The following BAZ1A variants were observed in gnomAD, a reference collection of about 807,000 sequenced individuals.
The protein encoded by BAZ1A is bromodomain adjacent to zinc finger domain protein 1A.
Under a neutral mutation model 185.2 loss-of-function variants are expected in BAZ1A, and 50 were observed. That is an observed-to-expected ratio of 0.27 (90% CI 0.22 to 0.34). BAZ1A has a LOEUF of 0.34. BAZ1A is among the 10% of genes least tolerant of loss of function. The pLI is 1.00. For synonymous variants in BAZ1A, 571 were observed against 615.6 expected (o/e 0.93, Z 1.07); for missense variants, 1,356 against 1,839.9 (o/e 0.74, Z 4.81).
intron 4 of BAZ1A, among the ~76,000 whole-genome samples, chr14:34,824,086 G>A (rs998633974): frequency 2.0e-5 from 3 of 151,204 alleles, no homozygotes; most frequent in Admixed American, 6.6e-5. Flanking sequence ...ATAGTAGCAA[G>A]TTGGCCGGGC....
intron 17 of BAZ1A, among the ~76,000 whole-genome samples, chr14:34,778,121 A>G (rs1879775317): frequency 6.6e-6 from 1 of 152,238 alleles, no homozygotes; most frequent in Non-Finnish European, 1.5e-5. Context: ...AAGAAGGACA[A>G]CATTTCCCAT....
intron 20 of BAZ1A, 22 bp from the exon 21 acceptor site, chr14:34,771,681 G>C: frequency 6.2e-7 from 1 of 1,605,252 alleles, no homozygotes; most frequent in Non-Finnish European, 8.5e-7. Context: ...ACAATTAAGA[G>C]TTTATGGTAC....
intron 3 of BAZ1A, among the ~76,000 whole-genome samples, chr14:34,838,183 T>C (rs1292762186): frequency 6.6e-6 from 1 of 152,218 alleles, no homozygotes; most frequent in Non-Finnish European, 1.5e-5. Context: ...TTTATGCCAT[T>C]AAACACTTCC....
At chr14:34,802,579 C>T (rs1294651030) in intron 7 of BAZ1A, among the ~76,000 whole-genome samples, 1 of 152,190 alleles carries the variant, frequency 6.6e-6, no homozygotes, top group African/African-American at 2.4e-5. Flanking sequence ...ATAGTTTATT[C>T]CCTGCTTTAC....
intron 3 of BAZ1A, among the ~76,000 whole-genome samples, chr14:34,844,683 A>G (rs2042475299): frequency 6.6e-6 from 1 of 151,844 alleles, no homozygotes; most frequent in Non-Finnish European, 1.5e-5. Flanking sequence ...TGGGGAGGAT[A>G]ACCTGAGCCC....
intron 4 of BAZ1A, among the ~76,000 whole-genome samples, chr14:34,819,587 G>GC (rs1447787774): frequency 1.3e-5 from 2 of 152,120 alleles, no homozygotes; most frequent in East Asian, 3.8e-4. Context: ...CTTTCTCCGT[G>GC]TTTTTTCATG....
In BAZ1A at chr14:34,815,355, A is replaced by G. The variant is rs376251138; in HGVS notation, c.537-4319T>C. 8.5e-5 allele frequency among the ~76,000 whole-genome samples: 13 copies of G among 152,362 alleles called. No individual in the cohort carries two copies. In the East Asian group the frequency reaches 1.2e-3, roughly 14 times the overall value. On this transcript the variant is annotated intron_variant, in intron 4 of 26. Transcript: ENST00000360310. The stretch of plus-strand genomic sequence containing the variant: ...TATAATATGAATTCACCTACAAGAT[A>G]GAAACTACAAGGATAATATTTTTAA...
At chr14:34,826,997 C>T (rs1426933123) in intron 3 of BAZ1A, among the ~76,000 whole-genome samples, 1 of 152,156 alleles carries the variant, frequency 6.6e-6, no homozygotes, top group African/African-American at 2.4e-5. Context: ...TGCCTTTGGA[C>T]ATCAACAACT....
intron 2 of BAZ1A, among the ~76,000 whole-genome samples, chr14:34,869,014 G>T (rs1181965035): frequency 1.3e-5 from 2 of 150,248 alleles, no homozygotes; most frequent in African/African-American, 4.9e-5. Context: ...AGACCATCCT[G>T]GCTAACACGG....
At chr14:34,795,183 T>A (rs1480602679) in intron 10 of BAZ1A, among the ~76,000 whole-genome samples, 1 of 152,234 alleles carries the variant, frequency 6.6e-6, no homozygotes, top group Non-Finnish European at 1.5e-5. Context: ...TATTTCCTAG[T>A]AAGAGTCTCT....
Position 34,753,536 on chromosome 14 carries a change from G to A in BAZ1A, c.4643C>T (p.Pro1548Leu), listed in dbSNP as rs779481713. ...TPSNVDQVSTPPAAKKSRI is the reference protein window; with the variant it reads ...TPSNVDQVSTLPAAKKSRI ...GATTCGTGACTTTTTCGCAGCCGGTGGTGTGCTAACTTGGTCCACATTACT... is the reference window on the plus strand; with the variant it reads ...GATTCGTGACTTTTTCGCAGCCGGTAGTGTGCTAACTTGGTCCACATTACT... The change falls in exon 27 of 27, where the codon CCA (proline) becomes CTA (leucine). Residue 1548 changes from proline to leucine, a missense_variant. By Grantham distance (98) the Pro-to-Leu change is moderately conservative (BLOSUM62 -3). Transcript: ENST00000360310. 2 of 1,614,050 alleles carry A rather than the reference G, an allele frequency of 1.2e-6. 1 individual carries two copies. The highest frequency in any genetic ancestry group is 2.2e-5 in the South Asian group (2 of 91,080).
At position 34,874,856 on chromosome 14, in the gene BAZ1A, G is replaced by GC; in HGVS notation, c.-58-195_-58-194insG. 2 of 402,302 alleles carry GC rather than the reference G, an allele frequency of 5.0e-6. No individual in the cohort carries two copies. Among genetic ancestry groups the GC allele is most frequent in the South Asian group, 3.4e-5 (1 of 29,406 alleles). 24.9% of individuals were successfully genotyped at this position (402,302 alleles called of 1,614,324 possible). A position where few individuals can be genotyped will look rare whatever the true frequency, so the allele number is the denominator to read the frequency against. ...GGAGCCGCCGCCGCCCCTGCCCCCCGAGCGCGCCCTACCTCCTCTCGTCCT... is the reference window on the plus strand; with the variant it reads ...GGAGCCGCCGCCGCCCCTGCCCCCCGCAGCGCGCCCTACCTCCTCTCGTCCT... On this transcript the variant is annotated intron_variant, in intron 1 of 26. Coordinates refer to ENST00000360310, the MANE Select transcript of BAZ1A (RefSeq NM_013448.3). This position sits in a 1 kb window ranked among gnomAD's most constrained non-coding sequence, Gnocchi z 4.7.
intron 4 of BAZ1A, among the ~76,000 whole-genome samples, chr14:34,823,511 T>C (rs1231199278): frequency 1.3e-5 from 2 of 149,928 alleles, no homozygotes; most frequent in Non-Finnish European, 3.0e-5. Flanking sequence ...AATACAAAAA[T>C]TAGCTGGGCG....
chr14:34,783,129 T>A lies in BAZ1A; in HGVS notation c.2101A>T (p.Ile701Leu), dbSNP rs753587075. Reference sequence around the variant, plus strand: ...TGATTCAAACCATACCCAATAGATATATCTGCCGTTGAATTTCTTTGCTCA... The same window carrying A: ...TGATTCAAACCATACCCAATAGATAAATCTGCCGTTGAATTTCTTTGCTCA... Reference protein sequence around the residue: ...EDEQRNSTADISIGEEEREDF... With the variant: ...EDEQRNSTADLSIGEEEREDF... Residue 701 changes from isoleucine (I) to leucine (L), a missense_variant, in exon 16 of 27, where the codon ATA becomes TTA. This residue lies in a region of BAZ1A where 434 missense variants were observed against 561.7 expected (regional missense o/e 0.77). Transcript: ENST00000360310. The A allele has an allele frequency of 6.3e-7, 1 of 1,599,878 alleles. No individual in the cohort carries two copies. Among genetic ancestry groups the A allele is most frequent in the East Asian group, 2.2e-5 (1 of 44,698 alleles).
At chr14:34,786,604 T>TTTTTTTTTTTTTTTTTTTTTTTTA (rs1880462000) in intron 12 of BAZ1A, 1 of 51,544 alleles carries the variant, frequency 1.9e-5, no homozygotes, top group Admixed American at 2.4e-4. Context: ...CTTTTATGTG[T>TTTTTTTTTTTTTTTTTTTTTTTTA]GTTTTTTTTT....
At chr14:34,808,493 G>A (rs1410471856) in intron 5 of BAZ1A, among the ~76,000 whole-genome samples, 1 of 151,942 alleles carries the variant, frequency 6.6e-6, no homozygotes, top group African/African-American at 2.4e-5. Context: ...GTGAGACTCT[G>A]TCTCAAAAAA....
intron 12 of BAZ1A, among the ~76,000 whole-genome samples, chr14:34,787,571 T>G (rs1880563384): frequency 6.6e-6 from 1 of 151,580 alleles, no homozygotes; most frequent in South Asian, 2.1e-4. Flanking sequence ...TAATCCCAGC[T>G]ACTTGGGAGG....
rs1397812259 is a variant in BAZ1A at position 34,780,243 on chromosome 14, G to C, written c.2179C>G (p.Gln727Glu). The C allele has an allele frequency of 1.9e-6, 3 of 1,613,488 alleles. No homozygotes were observed. Among genetic ancestry groups the C allele is most frequent in the Non-Finnish European group, 2.5e-6 (3 of 1,179,726 alleles). The change falls in exon 17 of 27, where the codon CAA becomes GAA. Residue 727 changes from glutamine (Q) to glutamate (E), a missense_variant. Coordinates refer to ENST00000360310, the MANE Select transcript of BAZ1A (RefSeq NM_013448.3). Reference sequence around the variant, plus strand: ...TCTTCATCTTCAGTGACCATATCTTGATCTAATTCCTTTTGCTCTGTGTCT... The same window carrying C: ...TCTTCATCTTCAGTGACCATATCTTCATCTAATTCCTTTTGCTCTGTGTCT... ...SKDTEQKELD[Q>E]DMVTEDEDDP...
chr14:34,761,348 T>A (rs541252131), intron 24 of BAZ1A, among the ~76,000 whole-genome samples: 1 of 152,176 alleles, frequency 6.6e-6, no homozygotes, highest in East Asian at 1.9e-4. Flanking sequence ...ACTCTCCCTT[T>A]CCCCCAAATT....
Sources: gnomAD v4.1 joint callset for allele counts (sites outside exome capture counted in the v4.1 genomes callset) on GRCh38, gnomAD v4.1.1 for gene constraint, gnomAD v4.1.1 regional missense constraint, Gnocchi (gnomAD v3.1) non-coding constraint, MANE v1.5 for transcripts, NCBI Gene and HGNC (gene_info 2026-07-23, HGNC 2026-07-21) for gene names.